HNRNPA1L2: variants seen among roughly 807,000 people sequenced by gnomAD.
HNRNPA1L2 encodes the protein heterogeneous nuclear ribonucleoprotein A1 like 2.
A neutral mutation model predicts 18.2 loss-of-function variants in HNRNPA1L2; 10 were observed. The ratio of observed to expected loss-of-function variants is 0.55; its 90% CI spans 0.34 to 0.93. The LOEUF is 0.93. HNRNPA1L2 is among the 40% of genes least tolerant of loss of function. The pLI is 0.02. For missense variants in HNRNPA1L2, 308 were observed against 394.4 expected, an observed-to-expected ratio of 0.78 and a Z score of 1.85; for synonymous variants, 124 against 138.6, an observed-to-expected ratio of 0.89 and a Z score of 0.74.
chr13:52,628,358 G>C, the HNRNPA1L2 span, among the ~76,000 whole-genome samples: 1 of 152,080 alleles, frequency 6.6e-6, no homozygotes, highest in Non-Finnish European at 1.5e-5. Context: ...CTGGAGGATG[G>C]CTTAAGTCCA....
the HNRNPA1L2 span, among the ~76,000 whole-genome samples, chr13:52,624,564 A>T: frequency 6.6e-6 from 1 of 152,236 alleles, no homozygotes; most frequent in South Asian, 2.1e-4. Flanking sequence ...ATAGGAATGG[A>T]GTAATATACA....
the HNRNPA1L2 span, chr13:52,617,575 G>A: frequency 4.4e-6 from 2 of 450,918 alleles, no homozygotes; most frequent in Non-Finnish European, 4.1e-6. Flanking sequence ...CTAGAGTCTC[G>A]GCGTTTCTAC....
the HNRNPA1L2 span, among the ~76,000 whole-genome samples, chr13:52,634,747 C>G: frequency 6.6e-6 from 1 of 151,974 alleles, no homozygotes; most frequent in East Asian, 1.9e-4. Flanking sequence ...CTGGTTATCC[C>G]AGAGTCGACA....
the HNRNPA1L2 span, among the ~76,000 whole-genome samples, chr13:52,627,030 A>C: frequency 6.6e-6 from 1 of 152,112 alleles, no homozygotes; most frequent in Non-Finnish European, 1.5e-5. Context: ...GATATCTGAC[A>C]ATTTGTTTTT....
chr13:52,638,771 A>G (rs1428918775), upstream of HNRNPA1L2, among the ~76,000 whole-genome samples: 2 of 152,334 alleles, frequency 1.3e-5, no homozygotes, highest in East Asian at 3.9e-4. Flanking sequence ...GGACTAAGCA[A>G]TTTCTGAAAA....
chr13:52,629,477 C>T, the HNRNPA1L2 span: 1 of 163,136 alleles, frequency 6.1e-6, no homozygotes, highest in African/African-American at 2.4e-5. Context: ...ATTATGAATG[C>T]ATTTACATCT....
the HNRNPA1L2 span, among the ~76,000 whole-genome samples, chr13:52,624,030 G>T: frequency 6.6e-6 from 1 of 152,208 alleles, no homozygotes; most frequent in Non-Finnish European, 1.5e-5. Context: ...TTTCTTTGTG[G>T]CCTGGGCTTT....
At chr13:52,633,521 A>G in the HNRNPA1L2 span, among the ~76,000 whole-genome samples, 1 of 152,212 alleles carries the variant, frequency 6.6e-6, no homozygotes, top group South Asian at 2.1e-4. Flanking sequence ...TCTGACGAAT[A>G]GAAGTTAGTT....
At chr13:52,635,767 T>C in the HNRNPA1L2 span, among the ~76,000 whole-genome samples, 1 of 152,166 alleles carries the variant, frequency 6.6e-6, no homozygotes, top group East Asian at 1.9e-4. Flanking sequence ...TCATCCATGC[T>C]GTAACATGTA....
chr13:52,620,218 T>C, the HNRNPA1L2 span, among the ~76,000 whole-genome samples: 2 of 152,288 alleles, frequency 1.3e-5, no homozygotes, highest in African/African-American at 4.8e-5. Context: ...TGATACAGGC[T>C]CTTGAGCTCA....
the HNRNPA1L2 span, among the ~76,000 whole-genome samples, chr13:52,629,875 G>A: frequency 6.6e-6 from 1 of 152,144 alleles, no homozygotes; most frequent in Admixed American, 6.5e-5. Context: ...GGATCACGAG[G>A]TCGGGAGTTC....
chr13:52,637,423 A>C, the HNRNPA1L2 span: 1 of 257,356 alleles, frequency 3.9e-6, no homozygotes, highest in African/African-American at 2.3e-5. Context: ...GGAAACTGAG[A>C]GTTCCCAATT....
At chr13:52,629,248 T>C in the HNRNPA1L2 span, 1 of 180,040 alleles carries the variant, frequency 5.6e-6, no homozygotes, top group East Asian at 1.5e-4. Flanking sequence ...GATATGAAAA[T>C]TGCCAGATGT....
the HNRNPA1L2 span, among the ~76,000 whole-genome samples, chr13:52,629,715 G>A: frequency 6.6e-6 from 1 of 152,118 alleles, no homozygotes; most frequent in Non-Finnish European, 1.5e-5. Context: ...CTAATACTGT[G>A]TATTCATTTA....
upstream of HNRNPA1L2, among the ~76,000 whole-genome samples, chr13:52,638,240 G>A (rs577133585): frequency 5.0e-4 from 76 of 152,302 alleles, no homozygotes; most frequent in African/African-American, 1.7e-3. Flanking sequence ...CTGGAGGTTA[G>A]TATTGCTTAT....
chr13:52,640,925 A>AC (rs1961635957), upstream of HNRNPA1L2: 1 of 152,228 alleles, frequency 6.6e-6, no homozygotes, highest in Admixed American at 6.5e-5. Flanking sequence ...ATCCACGTCC[A>AC]ATCAATCATG....
chr13:52,634,321 C>G, the HNRNPA1L2 span, among the ~76,000 whole-genome samples: 6 of 152,182 alleles, frequency 3.9e-5, no homozygotes, highest in African/African-American at 1.4e-4. Context: ...AAGGAGCCCA[C>G]TTGCTTTTTA....
upstream of HNRNPA1L2, among the ~76,000 whole-genome samples, chr13:52,637,728 G>GT (rs1465231453): frequency 5.3e-5 from 8 of 152,172 alleles, no homozygotes; most frequent in Admixed American, 3.3e-4. Flanking sequence ...GGGTAATTGA[G>GT]TAGGGACACT....
At chr13:52,638,838 G>A (rs575607703), upstream of HNRNPA1L2, among the ~76,000 whole-genome samples, 19 of 152,288 alleles carry the variant, frequency 1.2e-4, no homozygotes, top group African/African-American at 4.3e-4. Context: ...AAGTGACGGT[G>A]GCAGAGGGAG....
Sources: allele counts gnomAD v4.1 joint callset (sites outside exome capture counted in the v4.1 genomes callset), GRCh38; gene constraint gnomAD v4.1.1; transcripts MANE v1.5; gene names NCBI Gene and HGNC (gene_info 2026-07-23, HGNC 2026-07-21).